The following HECW2 variants were observed in gnomAD, a reference collection of about 807,000 sequenced individuals.
HECW2 encodes the protein E3 ubiquitin-protein ligase HECW2.
HECW2 carries 61 observed loss-of-function variants against 175.2 expected under a neutral mutation model. The ratio of observed to expected loss-of-function variants is 0.35; its 90% CI spans 0.28 to 0.43. HECW2 has a LOEUF of 0.43. HECW2 is among the 20% of genes least tolerant of loss of function. HECW2 has a pLI of 1.00. For synonymous variants in HECW2, 671 were observed against 731.0 expected (o/e 0.92, Z 1.32); for missense variants, 1,524 against 2,000.5 (o/e 0.76, Z 4.54).
chr2:196,303,000 A>G (rs1691122740), intron 13 of HECW2, among the ~76,000 whole-genome samples: 1 of 152,224 alleles, frequency 6.6e-6, no homozygotes, highest in Admixed American at 6.5e-5. Context: ...CTGGATTTCA[A>G]GGGGAATGTT....
In HECW2 at chr2:196,292,683, G is replaced by A. The variant is rs1452156901; in HGVS notation, c.2882C>T (p.Thr961Ile). ...ATGCTGGTAGCGTTCAAAGTGGTGG[G>A]TGTCCCTCCGGACTTTGGTGATCAT... ...KHMITKVRRD[T>I]HHFERYQHNR... Residue 961 changes from threonine to isoleucine, a missense_variant, in exon 14 of 29, where the codon ACC becomes ATC. Physicochemically the swap from Thr to Ile is moderately conservative, Grantham distance 89 (BLOSUM62 -1). Transcript: ENST00000644978. The A allele has an allele frequency of 4.3e-6, 7 of 1,614,016 alleles. No homozygotes were observed. Among genetic ancestry groups the A allele is most frequent in the Non-Finnish European group, 5.9e-6 (7 of 1,179,994 alleles).
rs535931755 is a variant in HECW2, at chr2:196,396,877, C to T, written c.292+36255G>A. Among the ~76,000 whole-genome samples, 11 of 151,356 alleles carry T rather than the reference C, an allele frequency of 7.3e-5. No homozygotes were observed. In the East Asian group the frequency reaches 7.8e-4, roughly 11 times the overall value. On this transcript the variant is annotated intron_variant, in intron 2 of 28. Coordinates refer to ENST00000644978, the MANE Select transcript of HECW2 (RefSeq NM_001348768.2). ...CTGTAATCCCAGCACTCTGGGAGGC[C>T]GAGGCGGACGGATCACGAGGTCAGG...
chr2:196,270,670 G>C (rs1429040685), intron 17 of HECW2, among the ~76,000 whole-genome samples: 1 of 150,876 alleles, frequency 6.6e-6, no homozygotes, highest in African/African-American at 2.4e-5. Context: ...TTTTAAATAG[G>C]GTTCTGGGTT....
chr2:196,552,314 C>A (rs969710642), intron 1 of HECW2, among the ~76,000 whole-genome samples: 1 of 152,166 alleles, frequency 6.6e-6, no homozygotes, highest in Non-Finnish European at 1.5e-5. Flanking sequence ...ATTCTCCCAA[C>A]AAAGTGACCC....
intron 2 of HECW2, among the ~76,000 whole-genome samples, chr2:196,378,018 G>T (rs1694099580): frequency 6.6e-6 from 1 of 152,200 alleles, no homozygotes; most frequent in Non-Finnish European, 1.5e-5. Context: ...TCTGTGTTCA[G>T]ATTAGTTTTG....
chr2:196,523,871 G>T (rs1053481736), intron 1 of HECW2, among the ~76,000 whole-genome samples: 1 of 152,022 alleles, frequency 6.6e-6, no homozygotes, highest in African/African-American at 2.4e-5. Context: ...TGCTGGATTC[G>T]TTTTGCCAGT....
rs796783544 is a variant in HECW2 at position 196,376,671 on chromosome 2, G to A, written c.293-32907C>T. Among the ~76,000 whole-genome samples, 7 of 146,126 alleles carry A rather than the reference G, an allele frequency of 4.8e-5. No homozygotes were observed. In the South Asian group the frequency reaches 6.5e-4, roughly 13 times the overall value. ...AAAAGGGCCGGGCATGGTGGCTCAC[G>A]CCTGTAGTCCCAGCACTTTGGGAGG... On this transcript the variant is annotated intron_variant, in intron 2 of 28. Transcript: ENST00000644978.
rs185123420 is a variant in HECW2 at position 196,203,104 on chromosome 2, T to C, written c.4608-1716A>G. 2.3e-3 allele frequency among the ~76,000 whole-genome samples: 357 copies of C among 152,254 alleles called. 1 individual carries two copies. The highest frequency in any genetic ancestry group is 8.2e-3 in the African/African-American group (339 of 41,548). ...AAAAAGTTTTGGATTTTGGAGCATTTTAGATTTAAAATTTTTTGACTAGGG... is the reference window on the plus strand; with the variant it reads ...AAAAAGTTTTGGATTTTGGAGCATTCTAGATTTAAAATTTTTTGACTAGGG... On this transcript the variant is annotated intron_variant, in intron 28 of 28. Transcript: ENST00000644978.
Position 196,319,316 on chromosome 2 carries a change from G to A in HECW2, c.1574C>T (p.Ser525Phe). ...AAGATTTTCTGGCTTATCCTCAAAGGAAGCAGCTTCGTGTGTGGAGGCTTC... is the reference window on the plus strand; with the variant it reads ...AAGATTTTCTGGCTTATCCTCAAAGAAAGCAGCTTCGTGTGTGGAGGCTTC... Reference protein sequence around the residue: ...NEEASTHEAASFEDKPENLPE... With the variant: ...NEEASTHEAAFFEDKPENLPE... The change falls in exon 9 of 29, where the codon TCC (serine) becomes TTC (phenylalanine). Residue 525 changes from serine to phenylalanine, a missense_variant. Around this residue, in one of 11 missense-constraint regions of HECW2, gnomAD observed 604 missense variants for 588.3 expected, o/e 1.03. Coordinates refer to ENST00000644978, the MANE Select transcript of HECW2 (RefSeq NM_001348768.2). 1 of 1,613,850 alleles carries A rather than the reference G, an allele frequency of 6.2e-7. No individual in the cohort carries two copies. The highest frequency in any genetic ancestry group is 8.5e-7 in the Non-Finnish European group (1 of 1,179,912).
chr2:196,433,606 G>T, intron 1 of HECW2, 148 bp from the exon 2 acceptor site: 1 of 652,464 alleles, frequency 1.5e-6, no homozygotes, highest in Non-Finnish European at 2.6e-6. Context: ...TTATTCTACT[G>T]TTAAATGATG....
At chr2:196,399,929 G>A (rs1694774282) in intron 2 of HECW2, among the ~76,000 whole-genome samples, 1 of 152,106 alleles carries the variant, frequency 6.6e-6, no homozygotes, top group Non-Finnish European at 1.5e-5. Context: ...AGGGTCCTCA[G>A]GAATTAAGTA....
intron 1 of HECW2, among the ~76,000 whole-genome samples, chr2:196,513,858 T>C (rs1394873504): frequency 6.6e-6 from 1 of 152,034 alleles, no homozygotes; most frequent in Non-Finnish European, 1.5e-5. Flanking sequence ...AAATAGAGGG[T>C]AAGTGGTTAG....
intron 2 of HECW2, among the ~76,000 whole-genome samples, chr2:196,406,351 A>G (rs996760407): frequency 2.0e-5 from 3 of 152,184 alleles, no homozygotes; most frequent in Non-Finnish European, 4.4e-5. Context: ...TCTGTTTCCC[A>G]CACCAATCTA....
intron 1 of HECW2, among the ~76,000 whole-genome samples, chr2:196,582,760 T>C (rs565833743): frequency 6.6e-6 from 1 of 152,340 alleles, no homozygotes; most frequent in South Asian, 2.1e-4. Flanking sequence ...TGAGCTGTTC[T>C]GAAAACAGTA....
intron 1 of HECW2, among the ~76,000 whole-genome samples, chr2:196,479,672 T>G (rs941924319): frequency 1.3e-5 from 2 of 152,170 alleles, no homozygotes; most frequent in African/African-American, 4.8e-5. Flanking sequence ...AAGGACAAAT[T>G]CAGGATCTCT....
At chr2:196,401,996 C>T (rs1023662782) in intron 2 of HECW2, among the ~76,000 whole-genome samples, 1 of 151,638 alleles carries the variant, frequency 6.6e-6, no homozygotes, top group Non-Finnish European at 1.5e-5. Flanking sequence ...GTCAGGAGAT[C>T]GAGACCATCC....
intron 3 of HECW2, among the ~76,000 whole-genome samples, chr2:196,336,192 A>G (rs1692544505): frequency 6.6e-6 from 1 of 152,248 alleles, no homozygotes; most frequent in Non-Finnish European, 1.5e-5. Flanking sequence ...TGCCTCCCTG[A>G]GAACTCTTCT....
At chr2:196,539,322 G>A (rs2125462947) in intron 1 of HECW2, among the ~76,000 whole-genome samples, 1 of 152,300 alleles carries the variant, frequency 6.6e-6, no homozygotes, top group South Asian at 2.1e-4. Flanking sequence ...TCCATAAAAT[G>A]TTGGTCAATA....
Position 196,317,343 on chromosome 2 carries a change from G to A in HECW2, c.2365C>T (p.Leu789=), listed in dbSNP as rs749262643. 6.2e-7 allele frequency: 1 copy of A among 1,613,322 alleles called. No homozygotes were observed. Among genetic ancestry groups the A allele is most frequent in the Non-Finnish European group, 8.5e-7 (1 of 1,179,712 alleles). ...TGGCGCACTGAAGGTAGTGATCGCA[G>A]TGGCTGGTGGCCGTTGGCTTGAGAA... ...GGSQANGHQP[L]RSLPSVRQDV... is the part of the protein sequence containing the mutation. The change falls in exon 10 of 29, where the codon CTG becomes TTG. Residue 789 remains leucine (L), a synonymous_variant. Coordinates refer to ENST00000644978, the MANE Select transcript of HECW2 (RefSeq NM_001348768.2).
Sources: gnomAD v4.1 joint callset for allele counts (sites outside exome capture counted in the v4.1 genomes callset) on GRCh38, gnomAD v4.1.1 for gene constraint, gnomAD v4.1.1 regional missense constraint, MANE v1.5 for transcripts, NCBI Gene and HGNC (gene_info 2026-07-23, HGNC 2026-07-21) for gene names.